The following PSG1 variants were observed in gnomAD, a reference collection of about 807,000 sequenced individuals.
PSG1 encodes pregnancy specific beta-1-glycoprotein 1.
PSG1 carries 60 observed loss-of-function variants against 41.4 expected under a neutral mutation model. The observed-to-expected ratio is 1.45, with a 90% CI of 1.18 to 1.80. The LOEUF (loss-of-function observed/expected upper bound fraction) is 1.80. PSG1 is among the 40% of genes most tolerant of loss of function. The pLI, the probability that PSG1 is intolerant of heterozygous loss-of-function variation, is 0.00. For synonymous variants in PSG1, 256 were observed against 192.9 expected, an observed-to-expected ratio of 1.33 and a Z score of -2.71; for missense variants, 806 against 516.9, an observed-to-expected ratio of 1.56 and a Z score of -5.42.
chr19:42,868,741 A>G lies in PSG1; in HGVS notation c.988+15T>C, dbSNP rs746391277. 1.3e-4 allele frequency: 208 copies of G among 1,611,118 alleles called. 6 individuals carry two copies. Among genetic ancestry groups the G allele is most frequent in the Non-Finnish European group, 1.7e-4 (203 of 1,178,430 alleles). On this transcript the variant is annotated intron_variant, in intron 4 of 5. Transcript: ENST00000436291. ...AGCTGGTGTCCTGGCCCACAGAGGA[A>G]CAAAAGATACTCACAGAGGACATTC...
chr19:42,868,309 A>T lies in PSG1; in HGVS notation c.1035T>A (p.Arg345=). 2 of 1,612,110 alleles carry T rather than the reference A, an allele frequency of 1.2e-6. No individual in the cohort carries two copies. The highest frequency in any genetic ancestry group is 1.7e-6 in the Non-Finnish European group (2 of 1,178,948). The change falls in exon 5 of 6, where the codon CGT becomes CGA. Residue 345 remains arginine (R), a synonymous_variant. Transcript: ENST00000436291. ...AGGACAAGTAGAGGACTTCTCCTGA[A>T]CGGTAATAGGTGAATGAAGGGTAAA... The part of the protein sequence containing the change: ...PRIYPSFTYY[R]SGEVLYLSCS...
chr19:42,873,389 G>T (rs944937266), intron 2 of PSG1, among the ~76,000 whole-genome samples: 4 of 151,616 alleles, frequency 2.6e-5, no homozygotes, highest in Admixed American at 6.6e-5. Context: ...ATTTCAGATT[G>T]TGGATTTCTG....
chr19:42,878,253 C>T lies in PSG1; in HGVS notation c.90G>A (p.Leu30=), dbSNP rs771011518. The part of the protein sequence containing the change: ...LTASLLNFWN[L]PTTAQVTIEA... ...CAATCGTGACTTGGGCAGTGGTGGG[C>T]AGGTTCCAGAAGTTTAAAAGTGATG... The change falls in exon 2 of 6, where the codon CTG becomes CTA. Residue 30 remains leucine, a synonymous_variant. Coordinates refer to ENST00000436291, the MANE Select transcript of PSG1 (RefSeq NM_001184825.2). 10 of 1,609,238 alleles carry T rather than the reference C, an allele frequency of 6.2e-6. No homozygotes were observed. In the African/African-American group the frequency reaches 1.1e-4, roughly 17 times the overall value.
In PSG1 at chr19:42,868,405, A is replaced by C. The variant is rs573030512; in HGVS notation, c.989-50T>G. 2.4e-5 allele frequency: 38 copies of C among 1,555,976 alleles called. 1 individual carries two copies. In the South Asian group the frequency reaches 4.4e-4, roughly 18 times the overall value. Reference sequence around the variant, plus strand: ...AGGTGATGTCATCTGAGGGAAGGGGATGTTCCTGGTCTCTTAAAGGGACAC... The same window carrying C: ...AGGTGATGTCATCTGAGGGAAGGGGCTGTTCCTGGTCTCTTAAAGGGACAC... On this transcript the variant is annotated intron_variant, in intron 4 of 5. Transcript: ENST00000436291.
Position 42,871,936 on chromosome 19 carries a change from C to T in PSG1, c.540G>A (p.Trp180Ter). 6.2e-7 allele frequency: 1 copy of T among 1,612,460 alleles called. No individual in the cohort carries two copies. Among genetic ancestry groups the T allele is most frequent in the East Asian group, 2.2e-5 (1 of 44,784 alleles). The change falls in exon 3 of 6, where the codon TGG becomes TGA. Residue 180 changes from tryptophan to a stop codon, truncating the protein, a stop_gained. Transcript: ENST00000436291. LOFTEE classifies it high-confidence loss of function. The part of the protein sequence containing the change: ...DPETPDASYL[W>*]WMNGQSLPMT... The stretch of plus-strand genomic sequence containing the variant: ...TAGGGAGGCTCTGACCATTCATCCA[C>T]CACAGGTAGCTTGCGTCTGGAGTCT...
chr19:42,868,358 G>C lies in PSG1; in HGVS notation c.989-3C>G. 1 of 1,604,512 alleles carries C rather than the reference G, an allele frequency of 6.2e-7. No homozygotes were observed. On this transcript the variant is annotated splice_region_variant and splice_polypyrimidine_tract_variant and intron_variant, in intron 4 of 5. Coordinates refer to ENST00000436291, the MANE Select transcript of PSG1 (RefSeq NM_001184825.2). ...AATTCTGGGGAGGTCTGGACCATCT[G>C]GAGCAAAGAGAATAAAGCCACAGGT...
intron 5 of PSG1, 162 bp downstream of exon 5, chr19:42,867,939 C>G (rs981157675): frequency 2.6e-6 from 4 of 1,552,556 alleles, no homozygotes; most frequent in Admixed American, 2.0e-5. Flanking sequence ...TTAAAGTTTT[C>G]GAAGTTCTTA....
At chr19:42,876,651 A>T (rs776572466) in intron 2 of PSG1, 9 of 231,422 alleles carry the variant, frequency 3.9e-5, no homozygotes, top group South Asian at 1.2e-4. Flanking sequence ...GACAGTGACA[A>T]GGACACTTTG....
intron 2 of PSG1, among the ~76,000 whole-genome samples, chr19:42,877,276 G>A (rs1007235903): frequency 6.6e-6 from 1 of 151,554 alleles, no homozygotes; most frequent in African/African-American, 2.4e-5. Context: ...AAGGCAGTTG[G>A]GTGATGGCCT....
In PSG1 at chr19:42,878,341, C is replaced by A. The variant is rs1001775580; in HGVS notation, c.65-63G>T. The A allele has an allele frequency of 1.9e-6, 3 of 1,541,088 alleles. No individual in the cohort carries two copies. In the South Asian group the frequency reaches 3.9e-5, roughly 20 times the overall value. Reference sequence around the variant, plus strand: ...TATGTATTGGTGTGAAAACATGGGGCCCTGGGTCCTGAGAAGGTCTCTTCA... The same window carrying A: ...TATGTATTGGTGTGAAAACATGGGGACCTGGGTCCTGAGAAGGTCTCTTCA... On this transcript the variant is annotated intron_variant, in intron 1 of 5. Transcript: ENST00000436291.
Position 42,867,614 on chromosome 19 carries a change from C to T in PSG1, c.1244-464G>A, listed in dbSNP as rs1971185636. The T allele has an allele frequency of 7.1e-6, 5 of 705,260 alleles. 1 individual carries two copies. The highest frequency in any genetic ancestry group is 6.4e-5 in the South Asian group (4 of 62,054). The allele number at this position is 705,260 out of a possible 1,614,324, so 43.7% of individuals were successfully genotyped here. ...AAAGCAGATTGTTACTGTACTTGTG[C>T]AAATATGTGTATTACCATAAACATA... On this transcript the variant is annotated intron_variant, in intron 5 of 5. Coordinates refer to ENST00000436291, the MANE Select transcript of PSG1 (RefSeq NM_001184825.2).
intron 2 of PSG1, among the ~76,000 whole-genome samples, chr19:42,873,605 T>C (rs1971484222): frequency 6.6e-6 from 1 of 151,626 alleles, no homozygotes; most frequent in African/African-American, 2.4e-5. Context: ...CAAAATAAGG[T>C]TTAGGTGTGC....
rs749828205 is a variant in PSG1 at position 42,868,359 on chromosome 19, G to A, written c.989-4C>T. The A allele has an allele frequency of 5.0e-6, 8 of 1,604,408 alleles. 1 individual carries two copies. In the South Asian group the frequency reaches 6.7e-5, roughly 13 times the overall value. ...ATTCTGGGGAGGTCTGGACCATCTGGAGCAAAGAGAATAAAGCCACAGGTG... is the reference window on the plus strand; with the variant it reads ...ATTCTGGGGAGGTCTGGACCATCTGAAGCAAAGAGAATAAAGCCACAGGTG... On this transcript the variant is annotated splice_region_variant and splice_polypyrimidine_tract_variant and intron_variant, in intron 4 of 5. Coordinates refer to ENST00000436291, the MANE Select transcript of PSG1 (RefSeq NM_001184825.2).
chr19:42,874,288 T>A (rs1242185861), intron 2 of PSG1: 1 of 151,754 alleles, frequency 6.6e-6, no homozygotes, highest in African/African-American at 2.4e-5. Context: ...AGCTAGGTAT[T>A]CTTTCCACAG....
chr19:42,871,717 C>T lies in PSG1; in HGVS notation c.709+50G>A, dbSNP rs376697241. 105 of 1,612,482 alleles carry T rather than the reference C, an allele frequency of 6.5e-5. 1 individual carries two copies. The highest frequency in any genetic ancestry group is 8.4e-5 in the Non-Finnish European group (99 of 1,179,214). On this transcript the variant is annotated intron_variant, in intron 3 of 5. Coordinates refer to ENST00000436291, the MANE Select transcript of PSG1 (RefSeq NM_001184825.2). ...GACAGAGAGGCCTGGCCTCTGGCCA[C>T]GTGTATTTGGGATGGCAGCCTGGCT...
chr19:42,866,522 T>A lies in PSG1; in HGVS notation c.*612A>T, dbSNP rs1362590227. On this transcript the variant is annotated 3_prime_UTR_variant, in exon 6 of 6. Coordinates refer to ENST00000436291, the MANE Select transcript of PSG1 (RefSeq NM_001184825.2). ...AATGTCTTACTGTCACGTTTTACAA[T>A]GTATCTCTTAGGAAACGGCAAGAGC... 5.7e-6 allele frequency: 1 copy of A among 174,142 alleles called. No individual in the cohort carries two copies. The highest frequency in any genetic ancestry group is 2.4e-5 in the African/African-American group (1 of 41,894). 10.8% of individuals were successfully genotyped at this position (174,142 alleles called of 1,614,324 possible).
intron 2 of PSG1, among the ~76,000 whole-genome samples, chr19:42,876,242 C>G (rs562383273): frequency 3.3e-4 from 50 of 151,504 alleles, no homozygotes; most frequent in Admixed American, 1.5e-3. Flanking sequence ...GGCAGATACA[C>G]CATGGCAGTG....
chr19:42,874,352 G>A (rs965472251), intron 2 of PSG1, among the ~76,000 whole-genome samples: 1 of 148,066 alleles, frequency 6.8e-6, no homozygotes, highest in Non-Finnish European at 1.5e-5. Flanking sequence ...CTCTAACAGG[G>A]TTTTTTTTTT....
Position 42,868,941 on chromosome 19 carries a change from T to G in PSG1, c.803A>C (p.Asn268Thr), listed in dbSNP as rs1303216755. The G allele has an allele frequency of 6.2e-7, 1 of 1,610,284 alleles. No homozygotes were observed. The highest frequency in any genetic ancestry group is 8.5e-7 in the Non-Finnish European group (1 of 1,179,004). ...LNFTCEPKSENYTYIWWLNGQ... is the reference protein window; with the variant it reads ...LNFTCEPKSETYTYIWWLNGQ... ...ATTTAGCCACCAAATGTAGGTGTAG[T>G]TCTCACTCTTAGGTTCACAGGTGAA... Residue 268 changes from asparagine (N) to threonine (T), a missense_variant, in exon 4 of 6, where the codon AAC (asparagine) becomes ACC (threonine). Physicochemically the swap from Asn to Thr is moderately conservative, Grantham distance 65 (BLOSUM62 0). Coordinates refer to ENST00000436291, the MANE Select transcript of PSG1 (RefSeq NM_001184825.2).
Sources: gnomAD v4.1 joint callset for allele counts (sites outside exome capture counted in the v4.1 genomes callset) on GRCh38, gnomAD v4.1.1 for gene constraint, MANE v1.5 for transcripts, NCBI Gene and HGNC (gene_info 2026-07-23, HGNC 2026-07-21) for gene names.